CDH4: variants seen among roughly 807,000 people sequenced by gnomAD.
CDH4 encodes cadherin-4.
A neutral mutation model predicts 86.0 loss-of-function variants in CDH4; 33 were observed. The observed-to-expected ratio is 0.38, with a 90% CI of 0.29 to 0.51. The LOEUF is 0.51. Ranked by LOEUF, CDH4 falls within the 20% of genes least tolerant of loss-of-function variation. The pLI, the probability that CDH4 is intolerant of heterozygous loss-of-function variation, is 0.86. For missense variants in CDH4, 1,114 were observed against 1,307.4 expected (o/e 0.85, Z 2.28); for synonymous variants, 555 against 549.4 (o/e 1.01, Z -0.14).
chr20:61,294,229 A>G lies in CDH4; in HGVS notation c.169+39292A>G, dbSNP rs144246867. Among the ~76,000 whole-genome samples, 193 of 152,290 alleles carry G rather than the reference A, an allele frequency of 1.3e-3. 2 individuals carry two copies. In the East Asian group the frequency reaches 0.023, roughly 18 times the overall value. ...GGCTGGGGGGTCTGCCCGTGACACC[A>G]GCCCTGGTTCCCTGAGCTGGGGTCT... On this transcript the variant is annotated intron_variant, in intron 2 of 15. Transcript: ENST00000614565.
intron 4 of CDH4, among the ~76,000 whole-genome samples, chr20:61,820,184 T>A (rs1392182958): frequency 6.6e-6 from 1 of 152,128 alleles, no homozygotes; most frequent in Non-Finnish European, 1.5e-5. Flanking sequence ...CAAGACCGCC[T>A]TCCACCTACA....
intron 2 of CDH4, among the ~76,000 whole-genome samples, chr20:61,422,295 A>G (rs574352969): frequency 3.0e-5 from 4 of 131,618 alleles, no homozygotes; most frequent in Non-Finnish European, 4.8e-5. Flanking sequence ...GTGGTAGTGC[A>G]TGCCTGTAAT....
At chr20:61,295,061 A>T (rs2084345000) in intron 2 of CDH4, among the ~76,000 whole-genome samples, 1 of 152,240 alleles carries the variant, frequency 6.6e-6, no homozygotes, top group Non-Finnish European at 1.5e-5. Context: ...GGTGGAAAAC[A>T]GCCTTTGGGG....
At chr20:61,847,421 C>T (rs1982507865) in intron 5 of CDH4, among the ~76,000 whole-genome samples, 1 of 152,208 alleles carries the variant, frequency 6.6e-6, no homozygotes, top group Non-Finnish European at 1.5e-5. Context: ...GATTCATTCC[C>T]AAGGCCCTCC....
intron 2 of CDH4, among the ~76,000 whole-genome samples, chr20:61,491,495 C>T (rs1177478000): frequency 6.6e-6 from 1 of 152,218 alleles, no homozygotes; most frequent in Non-Finnish European, 1.5e-5. Flanking sequence ...GTGCCTACAA[C>T]TGTGCACCAT....
intron 2 of CDH4, among the ~76,000 whole-genome samples, chr20:61,483,041 CAG>C (rs2085576653): frequency 6.6e-6 from 1 of 152,226 alleles, no homozygotes; most frequent in African/African-American, 2.4e-5. Context: ...TGTGCTAAGT[CAG>C]GATGGTCCGA....
At chr20:61,387,369 CACAGCCACACAAACAT>C (rs931626247) in intron 2 of CDH4, among the ~76,000 whole-genome samples, 21 of 151,850 alleles carry the variant, frequency 1.4e-4, no homozygotes, top group Non-Finnish European at 2.9e-5. Flanking sequence ...AACACAAACA[CACAGCCACACAAACAT>C]ACACATACAT....
intron 2 of CDH4, among the ~76,000 whole-genome samples, chr20:61,388,840 C>T (rs540267774): frequency 8.5e-5 from 13 of 152,294 alleles, no homozygotes; most frequent in African/African-American, 1.2e-4. Context: ...ACATCTAAAA[C>T]GTAACTTCAA....
In CDH4 at chr20:61,741,497, C is replaced by CTT. The variant is rs34240799; in HGVS notation, c.170-2055_170-2054dup. 2.9e-3 allele frequency among the ~76,000 whole-genome samples: 428 copies of CTT among 148,182 alleles called. 2 individuals are homozygous for CTT. The highest frequency in any genetic ancestry group is 8.3e-3 in the African/African-American group (336 of 40,406). The stretch of plus-strand genomic sequence containing the variant: ...ATGTCACCAAAGCTGTGTGCCTGTA[C>CTT]TTTTTTTTTTTTGAGACCGAGTCTC... On this transcript the variant is annotated intron_variant, in intron 2 of 15. Transcript: ENST00000614565.
intron 2 of CDH4, among the ~76,000 whole-genome samples, chr20:61,304,263 A>AT (rs11390255): frequency 2.0e-5 from 3 of 150,144 alleles, no homozygotes; most frequent in Admixed American, 6.6e-5. Flanking sequence ...AGTGGACGGC[A>AT]CCCCCCCAAC....
intron 2 of CDH4, among the ~76,000 whole-genome samples, chr20:61,670,051 A>G (rs189678997): frequency 1.3e-5 from 2 of 152,256 alleles, no homozygotes; most frequent in South Asian, 4.1e-4. Flanking sequence ...ATGACCCCCA[A>G]AGGTGGTGCT....
At chr20:61,665,266 G>A (rs1423356489) in intron 2 of CDH4, among the ~76,000 whole-genome samples, 3 of 152,266 alleles carry the variant, frequency 2.0e-5, no homozygotes, top group Non-Finnish European at 4.4e-5. Context: ...GACCCAGGAA[G>A]CTGCCACCAG....
chr20:61,401,170 C>T (rs1387650018), intron 2 of CDH4, among the ~76,000 whole-genome samples: 1 of 152,222 alleles, frequency 6.6e-6, no homozygotes, highest in Non-Finnish European at 1.5e-5. Context: ...GCAGGGCCTA[C>T]CCACTGTCAC....
chr20:61,770,448 C>A (rs147672793), intron 3 of CDH4, among the ~76,000 whole-genome samples: 1 of 152,340 alleles, frequency 6.6e-6, no homozygotes, highest in East Asian at 1.9e-4. Flanking sequence ...GAGCATCAAC[C>A]ACGAAGACTG....
chr20:61,519,723 C>T (rs1288005854), intron 2 of CDH4, among the ~76,000 whole-genome samples: 1 of 152,252 alleles, frequency 6.6e-6, no homozygotes, highest in African/African-American at 2.4e-5. Flanking sequence ...AATCGAATGC[C>T]ACTAGTTCCT....
rs1273599187 is a variant in CDH4, at chr20:61,924,278, A to G, written c.1629-56A>G. 1.9e-6 allele frequency: 3 copies of G among 1,540,986 alleles called. No homozygotes were observed. The African/African-American group carries it at 4.1e-5, about 21-fold the overall frequency. On this transcript the variant is annotated intron_variant, in intron 10 of 15. Transcript: ENST00000614565. ...GTGTGGCCAAGGAGGCCTGGGATCC[A>G]GGGCAGCCCCGCCCACCCCCAGCCT...
chr20:61,819,407 G>T (rs778058478), intron 4 of CDH4, among the ~76,000 whole-genome samples: 1 of 152,236 alleles, frequency 6.6e-6, no homozygotes, highest in South Asian at 2.1e-4. Context: ...CCATGCATTC[G>T]CTCGCTCTGC....
intron 2 of CDH4, among the ~76,000 whole-genome samples, chr20:61,686,633 TCTCGTGTGCATTCG>T (rs1266960657): frequency 6.8e-4 from 98 of 143,976 alleles, no homozygotes; most frequent in African/African-American, 2.3e-3. Context: ...GAGTGCACAT[TCTCGTGTGCATTCG>T]CGTGTGTGCA....
At chr20:61,569,415 A>G (rs1329873965) in intron 2 of CDH4, among the ~76,000 whole-genome samples, 1 of 152,154 alleles carries the variant, frequency 6.6e-6, no homozygotes, top group Non-Finnish European at 1.5e-5. Context: ...GTTATTTCCC[A>G]TGGGTTCTAT....
Sources: gnomAD v4.1 joint callset for allele counts (sites outside exome capture counted in the v4.1 genomes callset) on GRCh38, gnomAD v4.1.1 for gene constraint, MANE v1.5 for transcripts, NCBI Gene and HGNC (gene_info 2026-07-23, HGNC 2026-07-21) for gene names.